PPP2R5C: variants seen among roughly 807,000 people sequenced by gnomAD.
PPP2R5C encodes protein phosphatase 2 regulatory subunit B'gamma, also known as serine/threonine-protein phosphatase 2A 56 kDa regulatory subunit gamma isoform.
A neutral mutation model predicts 68.9 loss-of-function variants in PPP2R5C; 7 were observed. The observed-to-expected ratio is 0.10, with a 90% CI of 0.06 to 0.19. The LOEUF (loss-of-function observed/expected upper bound fraction) is 0.19, where lower values mean the gene tolerates loss of function less well. Among genes scored for constraint, PPP2R5C ranks in the 10% least tolerant of loss-of-function variants. The pLI, the probability that PPP2R5C is intolerant of heterozygous loss-of-function variation, is 1.00. For synonymous variants in PPP2R5C, 210 were observed against 222.2 expected (o/e 0.95, Z 0.49); for missense variants, 348 against 641.3 (o/e 0.54, Z 4.94).
chr14:101,858,409 G>A lies in PPP2R5C; in HGVS notation c.294+1524G>A, dbSNP rs936346317. Among the ~76,000 whole-genome samples, 6 of 152,154 alleles carry A rather than the reference G, an allele frequency of 3.9e-5. No individual in the cohort carries two copies. The East Asian group carries it at 7.7e-4, about 20-fold the overall frequency. On this transcript the variant is annotated intron_variant, in intron 2 of 13. Transcript: ENST00000334743. Reference sequence around the variant, plus strand: ...ATATTTAGGTAGAAGCATAGAATCCGTAATGATCAAATCAGGGTAATTGGG... The same window carrying A: ...ATATTTAGGTAGAAGCATAGAATCCATAATGATCAAATCAGGGTAATTGGG...
intron 1 of PPP2R5C, among the ~76,000 whole-genome samples, chr14:101,850,015 A>C (rs1365068547): frequency 6.6e-6 from 1 of 152,234 alleles, no homozygotes; most frequent in African/African-American, 2.4e-5. Flanking sequence ...TCAGTTCCAC[A>C]GAAGTGTGTG....
At chr14:101,840,252 T>C (rs1466997743) in intron 1 of PPP2R5C, among the ~76,000 whole-genome samples, 1 of 152,032 alleles carries the variant, frequency 6.6e-6, no homozygotes, top group Non-Finnish European at 1.5e-5. Flanking sequence ...CTCTCTGGGA[T>C]TTGCTGCTGG....
intron 3 of PPP2R5C, among the ~76,000 whole-genome samples, chr14:101,794,857 T>C (rs973478557): frequency 2.6e-5 from 4 of 152,250 alleles, no homozygotes; most frequent in African/African-American, 4.8e-5. Flanking sequence ...ATTACCTGAT[T>C]GTTTGCATCA....
intron 9 of PPP2R5C, among the ~76,000 whole-genome samples, chr14:101,902,647 G>A (rs1319851224): frequency 6.6e-6 from 1 of 152,192 alleles, no homozygotes; most frequent in African/African-American, 2.4e-5. Flanking sequence ...CCACCTTACA[G>A]CCAAACGTGA....
chr14:101,827,219 G>A (rs939546398), intron 1 of PPP2R5C, among the ~76,000 whole-genome samples: 2 of 151,970 alleles, frequency 1.3e-5, no homozygotes, highest in South Asian at 4.1e-4. Flanking sequence ...GAAGTGATCT[G>A]CCCGCCTTGA....
At chr14:101,908,312 G>A (rs184649046) in intron 10 of PPP2R5C, among the ~76,000 whole-genome samples, 96 of 152,344 alleles carry the variant, frequency 6.3e-4, no homozygotes, top group Admixed American at 5.0e-3. Context: ...CGTGGTGGTT[G>A]TAGTTGTTAA....
At chr14:101,763,006 C>G (rs2036635222) in intron 2 of PPP2R5C, 36 bp downstream of exon 2, 2 of 1,509,932 alleles carry the variant, frequency 1.3e-6, no homozygotes, top group South Asian at 1.2e-5. Flanking sequence ...GTATTTTATA[C>G]ACAGCTTTTA....
intron 3 of PPP2R5C, chr14:101,796,787 C>A (rs1418535009): frequency 4.7e-6 from 1 of 213,944 alleles, no homozygotes; most frequent in Non-Finnish European, 9.6e-6. Context: ...CGGCTCATTA[C>A]CGCACACAGA....
At chr14:101,842,255 G>A (rs999841995) in intron 1 of PPP2R5C, among the ~76,000 whole-genome samples, 32 of 152,280 alleles carry the variant, frequency 2.1e-4, no homozygotes, top group Middle Eastern at 6.8e-3. Flanking sequence ...TATTACAGTC[G>A]TGTTACTTAG....
intron 2 of PPP2R5C, among the ~76,000 whole-genome samples, chr14:101,874,849 C>T (rs1198456508): frequency 6.6e-6 from 1 of 152,144 alleles, no homozygotes; most frequent in East Asian, 1.9e-4. Flanking sequence ...AAGCGATTCT[C>T]CTGCCCCAGC....
chr14:101,921,964 G>C (rs901226869), intron 13 of PPP2R5C: 3 of 978,148 alleles, frequency 3.1e-6, no homozygotes, highest in Non-Finnish European at 3.6e-6. Context: ...TTAAATGTTT[G>C]CAATTCTCAT....
chr14:101,806,274 G>A (rs1014287583), upstream of PPP2R5C, among the ~76,000 whole-genome samples: 5 of 130,478 alleles, frequency 3.8e-5, 1 homozygote, highest in East Asian at 7.9e-4. Context: ...CCCACCCCCC[G>A]ACAGGTCCTG....
At chr14:101,839,589 T>C (rs1485334099) in intron 1 of PPP2R5C, 1 of 152,326 alleles carries the variant, frequency 6.6e-6, no homozygotes, top group Non-Finnish European at 1.5e-5. Flanking sequence ...AAGTGTAAAC[T>C]CTTTACAAAA....
chr14:101,914,946 C>T (rs935890578), intron 12 of PPP2R5C, among the ~76,000 whole-genome samples: 6 of 152,142 alleles, frequency 3.9e-5, no homozygotes, highest in South Asian at 2.1e-4. Flanking sequence ...GTGTTTGCAA[C>T]GACCAAAACT....
intron 9 of PPP2R5C, among the ~76,000 whole-genome samples, chr14:101,904,948 G>A (rs560212438): frequency 6.6e-5 from 10 of 152,364 alleles, no homozygotes; most frequent in Admixed American, 1.3e-4. Flanking sequence ...GGTTTACTAC[G>A]GAGAGAAAAA....
intron 5 of PPP2R5C, chr14:101,889,792 T>C (rs2044743607): frequency 2.8e-6 from 1 of 363,258 alleles, no homozygotes; most frequent in African/African-American, 2.1e-5. Flanking sequence ...GTGCTAAATA[T>C]TGCGGGCTTT....
chr14:101,912,874 G>A (rs2046470866), intron 12 of PPP2R5C, among the ~76,000 whole-genome samples: 1 of 152,194 alleles, frequency 6.6e-6, no homozygotes, highest in Non-Finnish European at 1.5e-5. Flanking sequence ...AATAGATTAA[G>A]TATGACGTTT....
At chr14:101,791,826 G>A (rs1037915106) in intron 3 of PPP2R5C, among the ~76,000 whole-genome samples, 1 of 151,982 alleles carries the variant, frequency 6.6e-6, no homozygotes, top group Non-Finnish European at 1.5e-5. Context: ...GCCTGCGTCA[G>A]GTCACACTAG....
At chr14:101,839,576 G>A (rs1413846568) in intron 1 of PPP2R5C, 3 of 152,428 alleles carry the variant, frequency 2.0e-5, no homozygotes, top group Non-Finnish European at 4.4e-5. Flanking sequence ...CCCATGTCCT[G>A]GAAAGTGTAA....
Sources: allele counts gnomAD v4.1 joint callset (sites outside exome capture counted in the v4.1 genomes callset), GRCh38; gene constraint gnomAD v4.1.1; transcripts MANE v1.5; gene names NCBI Gene and HGNC (gene_info 2026-07-23, HGNC 2026-07-21).